ENPP1: variants seen among roughly 807,000 people sequenced by gnomAD.
ENPP1 encodes the protein ectonucleotide pyrophosphatase/phosphodiesterase 1.
Under a neutral mutation model 122.8 loss-of-function variants are expected in ENPP1, and 73 were observed. The ratio of observed to expected loss-of-function variants is 0.59; its 90% CI spans 0.49 to 0.72. The LOEUF is 0.72. Ranked by LOEUF, ENPP1 falls within the 30% of genes least tolerant of loss-of-function variation. ENPP1 has a pLI of 0.00. For missense variants in ENPP1, 978 were observed against 1,128.1 expected (o/e 0.87, Z 1.91); for synonymous variants, 367 against 391.6 (o/e 0.94, Z 0.74).
chr6:131,824,232 C>T (rs1031491678), intron 1 of ENPP1, among the ~76,000 whole-genome samples: 3 of 151,918 alleles, frequency 2.0e-5, no homozygotes, highest in Non-Finnish European at 4.4e-5. Context: ...TAGCCTTGTC[C>T]AGGAGGTCTG....
At chr6:131,869,617 T>TC (rs1190971491) in intron 13 of ENPP1, 128 bp downstream of exon 13, 2 of 859,884 alleles carry the variant, frequency 2.3e-6, no homozygotes, top group East Asian at 5.3e-5. Context: ...TCACCTGAGG[T>TC]CAGGAGTTCG....
chr6:131,872,124 A>T, intron 14 of ENPP1, 23 bp downstream of exon 14: 1 of 1,516,052 alleles, frequency 6.6e-7, no homozygotes. Context: ...ATTTTCCATT[A>T]TCTAGTTATT....
intron 1 of ENPP1, among the ~76,000 whole-genome samples, chr6:131,816,034 A>C (rs1781410457): frequency 6.6e-6 from 1 of 152,004 alleles, no homozygotes; most frequent in African/African-American, 2.4e-5. Context: ...TCAGCTTTTC[A>C]TCTTCATCCA....
At chr6:131,814,378 A>G (rs1781391172) in intron 1 of ENPP1, among the ~76,000 whole-genome samples, 1 of 152,152 alleles carries the variant, frequency 6.6e-6, no homozygotes, top group Non-Finnish European at 1.5e-5. Context: ...GGTGGTGGGA[A>G]GTCACTGTGA....
chr6:131,876,977 C>G lies in ENPP1; in HGVS notation c.1724-15C>G. 6.2e-7 allele frequency: 1 copy of G among 1,612,750 alleles called. No individual in the cohort carries two copies. The highest frequency in any genetic ancestry group is 8.5e-7 in the Non-Finnish European group (1 of 1,178,762). ...TGAAACATCTAAGTAACTCTACCAT[C>G]TTGAAATTATGCAGATTTACTGAAT... On this transcript the variant is annotated splice_polypyrimidine_tract_variant and intron_variant, in intron 17 of 24. Coordinates refer to ENST00000647893, the MANE Select transcript of ENPP1 (RefSeq NM_006208.3).
Position 131,883,675 on chromosome 6 carries a change from T to G in ENPP1, c.2231-19T>G. 8.9e-7 allele frequency: 1 copy of G among 1,127,970 alleles called. No homozygotes were observed. Among genetic ancestry groups the G allele is most frequent in the South Asian group, 1.2e-5 (1 of 80,182 alleles). The allele number at this position is 1,127,970 out of a possible 1,614,324, so 69.9% of individuals were successfully genotyped here. A position where few individuals can be genotyped will look rare whatever the true frequency, so the allele number is the denominator to read the frequency against. On this transcript the variant is annotated intron_variant, in intron 21 of 24. Coordinates refer to ENST00000647893, the MANE Select transcript of ENPP1 (RefSeq NM_006208.3). ...TTATTTGTGAAGAATGAAAAAGTTGTCCTCTTTTCTCTTTGTAGAACTAAA... is the reference window on the plus strand; with the variant it reads ...TTATTTGTGAAGAATGAAAAAGTTGGCCTCTTTTCTCTTTGTAGAACTAAA...
chr6:131,842,927 T>C (rs1023843068), intron 1 of ENPP1, among the ~76,000 whole-genome samples: 5 of 152,206 alleles, frequency 3.3e-5, no homozygotes, highest in African/African-American at 1.2e-4. Flanking sequence ...TCACTAAATG[T>C]CTAAGAACTA....
At chr6:131,847,202 CATATTGCCTTTAATGGATTG>C (rs1385569771) in intron 1 of ENPP1, among the ~76,000 whole-genome samples, 3 of 152,172 alleles carry the variant, frequency 2.0e-5, no homozygotes, top group African/African-American at 4.8e-5. Context: ...TAATATTCCA[CATATTGCCTTTAATGGATTG>C]ATACATAGGA....
rs1782509989 is a variant in ENPP1 at position 131,894,011 on chromosome 6, T to A, written c.*3500T>A. ...CTCTGTCACCCAGGCTGGAGTGCAG[T>A]GGCAAGATCTTGGCTCACTGCAAGC... On this transcript the variant is annotated 3_prime_UTR_variant, in exon 25 of 25. Transcript: ENST00000647893. 1 of 125,486 alleles carries A rather than the reference T, an allele frequency of 8.0e-6. No individual in the cohort carries two copies. The highest frequency in any genetic ancestry group is 4.7e-3 in the Middle Eastern group (1 of 212). 7.8% of individuals were successfully genotyped at this position (125,486 alleles called of 1,614,324 possible).
intron 1 of ENPP1, among the ~76,000 whole-genome samples, chr6:131,838,261 A>G (rs1006466109): frequency 1.3e-5 from 2 of 152,204 alleles, no homozygotes; most frequent in Non-Finnish European, 1.5e-5. Context: ...GTGTAATGAT[A>G]TCATCACTGT....
chr6:131,872,238 G>A, intron 14 of ENPP1, 137 bp downstream of exon 14: 2 of 668,676 alleles, frequency 3.0e-6, no homozygotes, highest in East Asian at 2.8e-5. Flanking sequence ...GAAATGCTGT[G>A]TAGTTTAAAG....
intron 24 of ENPP1, among the ~76,000 whole-genome samples, chr6:131,890,086 T>C (rs1270564457): frequency 6.6e-6 from 1 of 152,238 alleles, no homozygotes; most frequent in Non-Finnish European, 1.5e-5. Context: ...TTCTTAAACC[T>C]ATGTAATGCA....
At chr6:131,875,500 G>T (rs1410107321) in intron 16 of ENPP1, among the ~76,000 whole-genome samples, 2 of 151,874 alleles carry the variant, frequency 1.3e-5, no homozygotes, top group African/African-American at 2.4e-5. Context: ...GGTTTATATT[G>T]CATGTCATAG....
At position 131,841,815 on chromosome 6, in the gene ENPP1, C is replaced by T. The variant is rs563336384; in HGVS notation, c.241-5961C>T. Among the ~76,000 whole-genome samples, 34 of 152,280 alleles carry T rather than the reference C, an allele frequency of 2.2e-4. 1 individual carries two copies. In the South Asian group the frequency reaches 6.4e-3, roughly 29 times the overall value. ...AGGGAAGACCTAGAGAAACATGGTG[C>T]TAGCATCTCCTCGGTGAGGAGGGTC... is the stretch of plus-strand genomic sequence containing the variant. On this transcript the variant is annotated intron_variant, in intron 1 of 24. Transcript: ENST00000647893.
intron 11 of ENPP1, 97 bp from the exon 12 acceptor site, chr6:131,867,921 T>C: frequency 1.2e-6 from 1 of 868,320 alleles, no homozygotes; most frequent in South Asian, 1.4e-5. Flanking sequence ...CTTTCTTTGT[T>C]TCTTTCTTTT....
chr6:131,858,578 G>A (rs763007056), intron 6 of ENPP1, 90 bp from the exon 7 acceptor site: 42 of 800,504 alleles, frequency 5.2e-5, no homozygotes, highest in Admixed American at 3.0e-4. Flanking sequence ...TTTTTTTTAC[G>A]TGATTTAGAC....
At chr6:131,864,643 A>G in intron 10 of ENPP1, 72 bp downstream of exon 10, 8 of 1,096,134 alleles carry the variant, frequency 7.3e-6, no homozygotes, top group Non-Finnish European at 9.7e-6. Context: ...AAAATAGACT[A>G]CAACAAAACT....
intron 5 of ENPP1, among the ~76,000 whole-genome samples, chr6:131,853,562 A>G (rs1781907134): frequency 6.6e-6 from 1 of 152,104 alleles, no homozygotes; most frequent in South Asian, 2.1e-4. Flanking sequence ...GACCGTTAAG[A>G]CTATATACAC....
chr6:131,833,421 A>G (rs769216358), intron 1 of ENPP1, among the ~76,000 whole-genome samples: 4 of 151,818 alleles, frequency 2.6e-5, no homozygotes, highest in Non-Finnish European at 5.9e-5. Context: ...CCTATTATCT[A>G]TTGTCATGTA....
Sources: allele counts gnomAD v4.1 joint callset (sites outside exome capture counted in the v4.1 genomes callset), GRCh38; gene constraint gnomAD v4.1.1; transcripts MANE v1.5; gene names NCBI Gene and HGNC (gene_info 2026-07-23, HGNC 2026-07-21).